XKR9: variants seen among roughly 807,000 people sequenced by gnomAD.
The protein encoded by XKR9 is XK-related protein 9.
A neutral mutation model predicts 32.0 loss-of-function variants in XKR9; 32 were observed. The observed-to-expected ratio is 1.00, with a 90% confidence interval of 0.76 to 1.34. The LOEUF is 1.34. Ranked by LOEUF, XKR9 falls within the 40% of genes most tolerant of loss-of-function variation. XKR9 has a pLI of 0.00. For synonymous variants in XKR9, 168 were observed against 143.4 expected (o/e 1.17, Z -1.22); for missense variants, 546 against 429.7 (o/e 1.27, Z -2.39).
chr8:70,931,435 A>G, the XKR9 span, among the ~76,000 whole-genome samples: 1 of 152,312 alleles, frequency 6.6e-6, no homozygotes. Context: ...ATCTGTTATT[A>G]ATTATTGAAT....
chr8:71,020,369 A>G, the XKR9 span, among the ~76,000 whole-genome samples: 25 of 152,228 alleles, frequency 1.6e-4, no homozygotes, highest in Admixed American at 1.3e-4. Flanking sequence ...TTGATTTTCC[A>G]ACAATAGCCG....
chr8:70,818,072 C>T, the XKR9 span, among the ~76,000 whole-genome samples: 301 of 152,224 alleles, frequency 2.0e-3, 1 homozygote, highest in African/African-American at 7.0e-3. Context: ...TTATGACAGT[C>T]CTTAAAAGCA....
At chr8:70,809,678 G>C in the XKR9 span, among the ~76,000 whole-genome samples, 1 of 152,152 alleles carries the variant, frequency 6.6e-6, no homozygotes. Context: ...TCGATCAACT[G>C]GAAGAAAGGG....
chr8:70,990,436 T>A, the XKR9 span, among the ~76,000 whole-genome samples: 4 of 152,194 alleles, frequency 2.6e-5, no homozygotes, highest in Non-Finnish European at 5.9e-5. Flanking sequence ...TTTATTTTAA[T>A]ACAATCCTAC....
chr8:70,719,121 G>C (rs1806189663), intron 4 of XKR9, among the ~76,000 whole-genome samples: 1 of 152,022 alleles, frequency 6.6e-6, no homozygotes, highest in Admixed American at 6.6e-5. Context: ...CTTTTGAGAA[G>C]TGTCTGTTCA....
intron 2 of XKR9, among the ~76,000 whole-genome samples, chr8:70,757,474 TA>T (rs1347983290): frequency 6.6e-6 from 1 of 152,220 alleles, no homozygotes; most frequent in East Asian, 1.9e-4. Flanking sequence ...GGTTCCTTTT[TA>T]AAAAAATTTC....
chr8:70,776,947 C>CTATATA (rs1554556847), intron 2 of XKR9, among the ~76,000 whole-genome samples: 13 of 54,206 alleles, frequency 2.4e-4, no homozygotes, highest in East Asian at 8.2e-4. Flanking sequence ...CTCTCTCTCT[C>CTATATA]TATATATATA....
At chr8:70,925,901 G>C in the XKR9 span, among the ~76,000 whole-genome samples, 1 of 152,126 alleles carries the variant, frequency 6.6e-6, no homozygotes, top group African/African-American at 2.4e-5. Flanking sequence ...AAATGAATGA[G>C]ATGATTGGAG....
the XKR9 span, among the ~76,000 whole-genome samples, chr8:70,906,388 G>T: frequency 6.6e-6 from 1 of 152,118 alleles, no homozygotes; most frequent in African/African-American, 2.4e-5. Context: ...TGAGGTTAGC[G>T]TACTATTAAA....
rs1204907779 is a variant in XKR9, at chr8:70,781,496, G to A, written n.353-7843G>A. ...TGTGATGGTCAAATCACGGTAATCAGCATATCCATTAACTCAAACATTTAT... is the reference window on the plus strand; with the variant it reads ...TGTGATGGTCAAATCACGGTAATCAACATATCCATTAACTCAAACATTTAT... On this transcript the variant is annotated intron_variant and non_coding_transcript_variant, in intron 2 of 3. Transcript: ENST00000520273. Among the ~76,000 whole-genome samples the A allele has an allele frequency of 1.5e-4, 22 of 150,304 alleles. No homozygotes were observed. In the East Asian group the frequency reaches 3.5e-3, roughly 24 times the overall value.
chr8:70,988,358 A>C, the XKR9 span, among the ~76,000 whole-genome samples: 1 of 151,470 alleles, frequency 6.6e-6, no homozygotes, highest in Non-Finnish European at 1.5e-5. Context: ...AGAACTAAAC[A>C]GAAAAAAACC....
chr8:70,941,126 C>T, the XKR9 span, among the ~76,000 whole-genome samples: 1 of 151,998 alleles, frequency 6.6e-6, no homozygotes, highest in Non-Finnish European at 1.5e-5. Flanking sequence ...CCTTTTCTCC[C>T]TCCTACTAGT....
At chr8:70,931,883 T>C in the XKR9 span, among the ~76,000 whole-genome samples, 1 of 152,202 alleles carries the variant, frequency 6.6e-6, no homozygotes, top group African/African-American at 2.4e-5. Context: ...TCCAGACCTA[T>C]GATCCAATTC....
chr8:70,962,388 G>A, the XKR9 span, among the ~76,000 whole-genome samples: 1 of 152,050 alleles, frequency 6.6e-6, no homozygotes, highest in East Asian at 1.9e-4. Context: ...AGTCGTCAGT[G>A]TCTATTATTC....
chr8:70,729,482 G>A (rs1314107694), intron 4 of XKR9, among the ~76,000 whole-genome samples: 2 of 152,060 alleles, frequency 1.3e-5, no homozygotes, highest in African/African-American at 4.8e-5. Context: ...AGTCTTGGAA[G>A]TTTTTTCTCT....
chr8:70,696,334 T>C (rs1317218977), intron 3 of XKR9, among the ~76,000 whole-genome samples: 2 of 152,254 alleles, frequency 1.3e-5, no homozygotes, highest in Non-Finnish European at 2.9e-5. Flanking sequence ...TGTAAGTCTT[T>C]AATCCATCTT....
chr8:70,812,207 T>G, the XKR9 span, among the ~76,000 whole-genome samples: 221 of 152,260 alleles, frequency 1.5e-3, 1 homozygote, highest in African/African-American at 5.1e-3. Flanking sequence ...ATTATCTCAA[T>G]AGATGCAGAA....
At chr8:70,837,191 A>G in the XKR9 span, among the ~76,000 whole-genome samples, 1 of 152,080 alleles carries the variant, frequency 6.6e-6, no homozygotes, top group Admixed American at 6.6e-5. Context: ...TCTGTTTCTA[A>G]TAGACTGTGA....
chr8:70,740,526 TGGA>T (rs1485397142), downstream of XKR9, among the ~76,000 whole-genome samples: 2 of 152,178 alleles, frequency 1.3e-5, no homozygotes, highest in African/African-American at 4.8e-5. Flanking sequence ...TGCGTTCCTT[TGGA>T]GGAGAGGTGC....
Sources: allele counts gnomAD v4.1 joint callset (sites outside exome capture counted in the v4.1 genomes callset), GRCh38; gene constraint gnomAD v4.1.1; transcripts MANE v1.5; gene names NCBI Gene and HGNC (gene_info 2026-07-23, HGNC 2026-07-21).